Variants in DAD1 observed in about 807,000 individuals in gnomAD.
DAD1 encodes defender against cell death 1.
Under a neutral mutation model 9.0 loss-of-function variants are expected in DAD1, and 4 were observed. The ratio of observed to expected loss-of-function variants is 0.44; its 90% CI spans 0.22 to 1.01. The LOEUF (loss-of-function observed/expected upper bound fraction) is 1.01. Ranked by LOEUF, DAD1 falls within the 50% of genes least tolerant of loss-of-function variation. DAD1 has a pLI of 0.24. For synonymous variants in DAD1, 60 were observed against 62.5 expected (o/e 0.96, Z 0.19); for missense variants, 119 against 137.3 (o/e 0.87, Z 0.67).
intron 2 of DAD1, among the ~76,000 whole-genome samples, chr14:22,567,572 G>C (rs974332289): frequency 6.6e-6 from 1 of 152,188 alleles, no homozygotes; most frequent in Non-Finnish European, 1.5e-5. Flanking sequence ...AATCTGTCCA[G>C]AGCTGTGCTG....
chr14:22,570,169 C>CA (rs1302075106), intron 2 of DAD1, among the ~76,000 whole-genome samples: 2 of 150,038 alleles, frequency 1.3e-5, no homozygotes, highest in Non-Finnish European at 2.9e-5. Context: ...CCTCCACCAA[C>CA]AAAAAATTAA....
chr14:22,569,278 CA>C (rs1213621648), intron 2 of DAD1, among the ~76,000 whole-genome samples: 3 of 151,350 alleles, frequency 2.0e-5, no homozygotes, highest in Non-Finnish European at 4.4e-5. Flanking sequence ...CCTAAAAATA[CA>C]AAAATTAGCC....
intron 1 of DAD1, among the ~76,000 whole-genome samples, chr14:22,582,132 C>T (rs10141773): frequency 0.07 from 10,668 of 151,438 alleles, 441 homozygotes; most frequent in African/African-American, 0.11. Context: ...GCTTGAACTC[C>T]AAGGGCGGAG....
At chr14:22,579,645 T>C (rs2037101820) in intron 1 of DAD1, among the ~76,000 whole-genome samples, 1 of 152,100 alleles carries the variant, frequency 6.6e-6, no homozygotes, top group Non-Finnish European at 1.5e-5. Flanking sequence ...GGAATTTATC[T>C]TACAGAACAA....
intron 2 of DAD1, among the ~76,000 whole-genome samples, chr14:22,566,524 G>C (rs1033690066): frequency 1.3e-5 from 2 of 151,998 alleles, no homozygotes; most frequent in African/African-American, 4.8e-5. Flanking sequence ...AGTAGAGATG[G>C]GGTTTCACCA....
At chr14:22,583,220 T>C (rs935082071) in intron 1 of DAD1, among the ~76,000 whole-genome samples, 1 of 150,762 alleles carries the variant, frequency 6.6e-6, no homozygotes, top group African/African-American at 2.5e-5. Context: ...GTTGTAGGTA[T>C]ACAGGTGTTA....
chr14:22,573,052 T>C (rs531807927), intron 2 of DAD1, among the ~76,000 whole-genome samples: 37 of 152,328 alleles, frequency 2.4e-4, no homozygotes, highest in Admixed American at 2.2e-3. Context: ...TGCTCTCTTC[T>C]CTGGATTTTT....
chr14:22,577,079 A>C (rs1407755938), intron 1 of DAD1, among the ~76,000 whole-genome samples: 1 of 152,218 alleles, frequency 6.6e-6, no homozygotes, highest in East Asian at 1.9e-4. Flanking sequence ...AATTAAAAAC[A>C]GAATTGCCAT....
At chr14:22,581,018 T>G (rs910183118) in intron 1 of DAD1, among the ~76,000 whole-genome samples, 2 of 152,204 alleles carry the variant, frequency 1.3e-5, no homozygotes, top group Non-Finnish European at 2.9e-5. Flanking sequence ...AGATGGAAAT[T>G]TACTACCTCT....
At chr14:22,571,430 A>T (rs190003901) in intron 2 of DAD1, among the ~76,000 whole-genome samples, 1 of 152,026 alleles carries the variant, frequency 6.6e-6, no homozygotes, top group African/African-American at 2.4e-5. Context: ...TCATGGATTC[A>T]TTCAAAAATA....
chr14:22,571,834 T>G (rs1325214825), intron 2 of DAD1, among the ~76,000 whole-genome samples: 6 of 151,986 alleles, frequency 3.9e-5, no homozygotes, highest in Admixed American at 3.9e-4. Flanking sequence ...TTCACCATGT[T>G]GGCCAGGCTG....
intron 2 of DAD1, among the ~76,000 whole-genome samples, chr14:22,572,618 G>A (rs34309148): frequency 0.093 from 14,073 of 152,102 alleles, 1,203 homozygotes; most frequent in African/African-American, 0.22. Flanking sequence ...TTTCTGCTGA[G>A]ACTGCTTTTT....
intron 1 of DAD1, among the ~76,000 whole-genome samples, chr14:22,580,694 A>G (rs2037110295): frequency 2.0e-5 from 3 of 152,176 alleles, no homozygotes; most frequent in Non-Finnish European, 4.4e-5. Context: ...AGAGTCCCAC[A>G]AAGTTGGAAA....
At chr14:22,582,390 G>A (rs2037123249) in intron 1 of DAD1, among the ~76,000 whole-genome samples, 1 of 150,776 alleles carries the variant, frequency 6.6e-6, no homozygotes, top group African/African-American at 2.4e-5. Context: ...CGGTCATTGT[G>A]GCGGGTGCCT....
chr14:22,579,949 C>G (rs557427811), intron 1 of DAD1, among the ~76,000 whole-genome samples: 12 of 151,504 alleles, frequency 7.9e-5, no homozygotes, highest in South Asian at 4.2e-4. Context: ...AAACAATCCT[C>G]CCACCTCAGC....
chr14:22,578,577 C>CA, intron 1 of DAD1, among the ~76,000 whole-genome samples: 1 of 151,978 alleles, frequency 6.6e-6, no homozygotes, highest in Non-Finnish European at 1.5e-5. Context: ...CAAAACAAAA[C>CA]AAAAAAGTAT....
intron 2 of DAD1, among the ~76,000 whole-genome samples, chr14:22,568,891 G>T (rs780820717): frequency 6.6e-6 from 1 of 151,962 alleles, no homozygotes; most frequent in African/African-American, 2.4e-5. Context: ...TAGAGACAAG[G>T]TCTTGCTATA....
chr14:22,576,234 A>T (rs1336526433), intron 1 of DAD1, among the ~76,000 whole-genome samples: 1 of 152,226 alleles, frequency 6.6e-6, no homozygotes, highest in Non-Finnish European at 1.5e-5. Flanking sequence ...AGTTTATTTT[A>T]AAAATACATT....
chr14:22,580,726 C>T (rs2037110491), intron 1 of DAD1, among the ~76,000 whole-genome samples: 1 of 152,134 alleles, frequency 6.6e-6, no homozygotes, highest in Non-Finnish European at 1.5e-5. Flanking sequence ...GTCATAAACA[C>T]CAACACCCCA....
Sources: gnomAD v4.1 joint callset for allele counts (sites outside exome capture counted in the v4.1 genomes callset) on GRCh38, gnomAD v4.1.1 for gene constraint, MANE v1.5 for transcripts, NCBI Gene and HGNC (gene_info 2026-07-23, HGNC 2026-07-21) for gene names.